AOAH: variants seen among roughly 807,000 people sequenced by gnomAD.
AOAH encodes acyloxyacyl hydrolase (neutrophil).
AOAH carries 64 observed loss-of-function variants against 92.2 expected under a neutral mutation model. The ratio of observed to expected loss-of-function variants is 0.69; its 90% CI spans 0.57 to 0.86. The LOEUF is 0.86. AOAH is among the 40% of genes least tolerant of loss of function. AOAH has a pLI of 0.00. For synonymous variants in AOAH, 263 were observed against 254.5 expected, an observed-to-expected ratio of 1.03 and a Z score of -0.32; for missense variants, 656 against 694.6, an observed-to-expected ratio of 0.94 and a Z score of 0.62.
intron 4 of AOAH, among the ~76,000 whole-genome samples, chr7:36,652,877 G>A (rs1324466557): frequency 6.6e-6 from 1 of 152,218 alleles, no homozygotes; most frequent in Non-Finnish European, 1.5e-5. Context: ...TGCAATGCGT[G>A]TCCTCGACTA....
intron 1 of AOAH, among the ~76,000 whole-genome samples, chr7:36,688,789 A>G (rs184639027): frequency 0.013 from 2,026 of 150,596 alleles, 54 homozygotes; most frequent in African/African-American, 0.048. Flanking sequence ...GACTTTGAGT[A>G]TATATATATA....
chr7:36,517,212 T>TTCTTTCTGTCTCTCTCTC (rs1474223898), intron 20 of AOAH, among the ~76,000 whole-genome samples: 9 of 21,120 alleles, frequency 4.3e-4, no homozygotes, highest in African/African-American at 9.7e-4. Flanking sequence ...CTTTCTTTCT[T>TTCTTTCTGTCTCTCTCTC]TCTCTTTCTT....
At chr7:36,681,547 G>A (rs905702318) in intron 2 of AOAH, among the ~76,000 whole-genome samples, 1 of 152,184 alleles carries the variant, frequency 6.6e-6, no homozygotes, top group Non-Finnish European at 1.5e-5. Flanking sequence ...AAAAAGGAGT[G>A]TAATCCCAGC....
At chr7:36,554,937 C>A (rs1324828506) in intron 13 of AOAH, among the ~76,000 whole-genome samples, 1 of 140,846 alleles carries the variant, frequency 7.1e-6, no homozygotes, top group African/African-American at 2.7e-5. Flanking sequence ...CAAACAGGGA[C>A]AATTTGACTT....
chr7:36,541,226 A>G (rs1299513597), intron 15 of AOAH, among the ~76,000 whole-genome samples: 1 of 152,224 alleles, frequency 6.6e-6, no homozygotes, highest in East Asian at 1.9e-4. Flanking sequence ...AGCATTTCAC[A>G]ACAATTCCAG....
intron 1 of AOAH, among the ~76,000 whole-genome samples, chr7:36,716,631 T>C (rs1799194703): frequency 1.2e-5 from 1 of 85,800 alleles, no homozygotes; most frequent in African/African-American, 4.4e-5. Flanking sequence ...CACCATGGAA[T>C]ACTATGCAGC....
intron 18 of AOAH, 98 bp downstream of exon 18, chr7:36,532,049 C>T (rs2116011718): frequency 1.4e-6 from 2 of 1,422,064 alleles, no homozygotes; most frequent in East Asian, 2.3e-5. Flanking sequence ...GCTTGGAGAC[C>T]ATCTGCCTGC....
chr7:36,706,730 G>T (rs139393441), intron 1 of AOAH, among the ~76,000 whole-genome samples: 9 of 152,306 alleles, frequency 5.9e-5, no homozygotes, highest in African/African-American at 1.7e-4. Flanking sequence ...ACTTGCTGTA[G>T]CTTCTACATC....
chr7:36,627,093 A>G, intron 6 of AOAH, among the ~76,000 whole-genome samples: 1 of 152,200 alleles, frequency 6.6e-6, no homozygotes, highest in East Asian at 1.9e-4. Context: ...TGTGCTGGGA[A>G]TCATATTAGA....
At chr7:36,559,746 C>T (rs1221576976) in intron 13 of AOAH, among the ~76,000 whole-genome samples, 1 of 151,944 alleles carries the variant, frequency 6.6e-6, no homozygotes, top group Non-Finnish European at 1.5e-5. Context: ...TAATTAGGTC[C>T]CACTTGTCAA....
At chr7:36,703,351 G>A (rs1334143909) in intron 1 of AOAH, among the ~76,000 whole-genome samples, 1 of 152,082 alleles carries the variant, frequency 6.6e-6, no homozygotes, top group African/African-American at 2.4e-5. Flanking sequence ...TTCATCAGAG[G>A]AATAAGTGCC....
rs1793630458 is a variant in AOAH at position 36,637,871 on chromosome 7, C to A, written c.430G>T (p.Val144Phe). ...CTTACCAGAATCGGGGACTTCTTGA[C>A]AATTTGTCTTGCCTTCTGTAGTGTA... ...KFTLQKARQIVKKSPILKYSR... is the reference protein window; with the variant it reads ...KFTLQKARQIFKKSPILKYSR... The change falls in exon 5 of 21, where the codon GTC (valine) becomes TTC (phenylalanine). Residue 144 changes from valine (V) to phenylalanine (F), a missense_variant. Transcript: ENST00000617537. 1 of 1,614,002 alleles carries A rather than the reference C, an allele frequency of 6.2e-7. No individual in the cohort carries two copies. The highest frequency in any genetic ancestry group is 1.3e-5 in the African/African-American group (1 of 74,930).
rs184665159 is a variant in AOAH at position 36,662,061 on chromosome 7, G to A, written c.291-2796C>T. The stretch of plus-strand genomic sequence containing the variant: ...TGACCGCTACACCTCCAAACACTGG[G>A]AGGAGCCTTGAGCATTTATTTCTAC... On this transcript the variant is annotated intron_variant, in intron 3 of 20. Transcript: ENST00000617537. Among the ~76,000 whole-genome samples, 162 of 152,264 alleles carry A rather than the reference G, an allele frequency of 1.1e-3. 1 individual carries two copies. Among genetic ancestry groups the A allele is most frequent in the African/African-American group, 3.8e-3 (159 of 41,548 alleles).
chr7:36,647,648 A>G (rs1332560560), intron 4 of AOAH, among the ~76,000 whole-genome samples: 1 of 152,198 alleles, frequency 6.6e-6, no homozygotes, highest in Non-Finnish European at 1.5e-5. Context: ...TATGAGTTTA[A>G]TAGCCCCCAA....
chr7:36,587,878 G>A (rs2893533), intron 12 of AOAH, among the ~76,000 whole-genome samples: 36,163 of 151,942 alleles, frequency 0.24, 5,376 homozygotes, highest in African/African-American at 0.41. Context: ...TTTAGATAAA[G>A]TATCTGCCAT....
At chr7:36,532,858 G>A (rs1784781949) in intron 16 of AOAH, among the ~76,000 whole-genome samples, 1 of 152,118 alleles carries the variant, frequency 6.6e-6, no homozygotes, top group African/African-American at 2.4e-5. Context: ...CTGAGTATCT[G>A]AAGCTCTGAC....
chr7:36,605,519 TC>T (rs1790935233), intron 11 of AOAH, among the ~76,000 whole-genome samples: 1 of 152,218 alleles, frequency 6.6e-6, no homozygotes, highest in South Asian at 2.1e-4. Flanking sequence ...TCACACTGCC[TC>T]CTGATACAGA....
intron 4 of AOAH, among the ~76,000 whole-genome samples, chr7:36,644,809 C>T (rs1347574456): frequency 1.3e-5 from 2 of 150,850 alleles, no homozygotes; most frequent in Admixed American, 6.7e-5. Flanking sequence ...TCACTTCACA[C>T]ATTTGACAGC....
chr7:36,689,759 C>G (rs1394291756), intron 1 of AOAH, among the ~76,000 whole-genome samples: 1 of 152,188 alleles, frequency 6.6e-6, no homozygotes, highest in African/African-American at 2.4e-5. Flanking sequence ...CCATATGTTT[C>G]TCACTTTAAT....
Sources: allele counts gnomAD v4.1 joint callset (sites outside exome capture counted in the v4.1 genomes callset), GRCh38; gene constraint gnomAD v4.1.1; transcripts MANE v1.5; gene names NCBI Gene and HGNC (gene_info 2026-07-23, HGNC 2026-07-21).